Variants in THNSL1 observed in about 807,000 individuals in gnomAD.
THNSL1 encodes threonine synthase like 1.
A neutral mutation model predicts 50.4 loss-of-function variants in THNSL1; 48 were observed. That is an observed-to-expected ratio of 0.95 (90% CI 0.76 to 1.21). THNSL1 has a LOEUF of 1.21. THNSL1 is among the 50% of genes most tolerant of loss of function. THNSL1 has a pLI of 0.00. For synonymous variants in THNSL1, 309 were observed against 306.1 expected, an observed-to-expected ratio of 1.01 and a Z score of -0.10; for missense variants, 896 against 871.7, an observed-to-expected ratio of 1.03 and a Z score of -0.35.
rs749699340 is a variant in THNSL1, at chr10:25,026,237, T to G, written c.*782T>G. 4 of 166,908 alleles carry G rather than the reference T, an allele frequency of 2.4e-5. No homozygotes were observed. Among genetic ancestry groups the G allele is most frequent in the Non-Finnish European group, 4.4e-5 (3 of 68,150 alleles). 10.3% of individuals were successfully genotyped at this position (166,908 alleles called of 1,614,324 possible). A position where few individuals can be genotyped will look rare whatever the true frequency, so the allele number is the denominator to read the frequency against. On this transcript the variant is annotated 3_prime_UTR_variant, in exon 3 of 3. Coordinates refer to ENST00000376356, the MANE Select transcript of THNSL1 (RefSeq NM_024838.5). ...TTTTGGACTACAACTAATGTGTATC[T>G]CACACTGTCCAAATTAAAGATGTAC...
the THNSL1 span, among the ~76,000 whole-genome samples, chr10:24,955,228 C>A: frequency 1.3e-5 from 2 of 152,108 alleles, no homozygotes; most frequent in Non-Finnish European, 2.9e-5. Context: ...ATAACGAGAA[C>A]AATATGGGAG....
the THNSL1 span, among the ~76,000 whole-genome samples, chr10:24,993,172 G>A: frequency 1.1e-4 from 16 of 152,218 alleles, no homozygotes; most frequent in Admixed American, 7.8e-4. Flanking sequence ...AGGGAATGGT[G>A]TGATACAGTT....
In THNSL1 at chr10:25,025,295, A is replaced by G. The variant is rs548694034; in HGVS notation, c.2072A>G (p.Gln691Arg). ...IKEINETSSS[Q>R]LYLLGSYNAL... Reference sequence around the variant, plus strand: ...GAAATCAATGAGACTTCATCAAGTCAGCTCTATTTGCTGGGTTCATACAAT... The same window carrying G: ...GAAATCAATGAGACTTCATCAAGTCGGCTCTATTTGCTGGGTTCATACAAT... The change falls in exon 3 of 3, where the codon CAG (glutamine) becomes CGG (arginine). Residue 691 changes from glutamine to arginine, a missense_variant. Coordinates refer to ENST00000376356, the MANE Select transcript of THNSL1 (RefSeq NM_024838.5). The G allele has an allele frequency of 4.3e-5, 70 of 1,614,228 alleles. 1 individual carries two copies. In the South Asian group the frequency reaches 5.6e-4, roughly 13 times the overall value.
chr10:25,012,950 T>C (rs968854827), upstream of THNSL1, among the ~76,000 whole-genome samples: 4 of 152,166 alleles, frequency 2.6e-5, no homozygotes, highest in African/African-American at 4.8e-5. Context: ...ATAATTCCCA[T>C]ATGTCATGGG....
the THNSL1 span, among the ~76,000 whole-genome samples, chr10:25,010,536 T>G: frequency 6.6e-6 from 1 of 151,812 alleles, no homozygotes; most frequent in African/African-American, 2.4e-5. Flanking sequence ...GCTGGTGTGC[T>G]GCACCCATTA....
chr10:24,983,909 A>C, the THNSL1 span: 2 of 153,302 alleles, frequency 1.3e-5, no homozygotes, highest in African/African-American at 4.8e-5. Context: ...CTACTAACAT[A>C]AACTTATTGC....
chr10:24,995,056 A>G, the THNSL1 span, among the ~76,000 whole-genome samples: 3 of 152,328 alleles, frequency 2.0e-5, no homozygotes, highest in South Asian at 4.1e-4. Context: ...ATGTTCACCA[A>G]TGAAATTACA....
intron 2 of THNSL1, among the ~76,000 whole-genome samples, chr10:25,022,545 G>A (rs1850743586): frequency 6.6e-6 from 1 of 152,150 alleles, no homozygotes; most frequent in Non-Finnish European, 1.5e-5. Flanking sequence ...GCGTGTAAAA[G>A]GCACATAAGA....
At position 25,025,502 on chromosome 10, in the gene THNSL1, T is replaced by C; in HGVS notation, c.*47T>C. Reference sequence around the variant, plus strand: ...TTTTCTAGCTATAAGCATGCAATAATAAATCTCAAACACTGATTTGGAGTA... The same window carrying C: ...TTTTCTAGCTATAAGCATGCAATAACAAATCTCAAACACTGATTTGGAGTA... On this transcript the variant is annotated 3_prime_UTR_variant, in exon 3 of 3. Coordinates refer to ENST00000376356, the MANE Select transcript of THNSL1 (RefSeq NM_024838.5). The C allele has an allele frequency of 6.6e-7, 1 of 1,524,082 alleles. No individual in the cohort carries two copies. Among genetic ancestry groups the C allele is most frequent in the Non-Finnish European group, 8.8e-7 (1 of 1,130,066 alleles). The allele number at this position is 1,524,082 out of a possible 1,614,324, so 94.4% of individuals were successfully genotyped here.
chr10:25,018,656 G>GTTGTT (rs1554771945), intron 1 of THNSL1, among the ~76,000 whole-genome samples: 1 of 77,744 alleles, frequency 1.3e-5, no homozygotes, highest in Non-Finnish European at 3.0e-5. Flanking sequence ...ACAAATGAGA[G>GTTGTT]TTGTTTTTTT....
chr10:24,975,194 T>C, the THNSL1 span, among the ~76,000 whole-genome samples: 1 of 151,984 alleles, frequency 6.6e-6, no homozygotes, highest in Non-Finnish European at 1.5e-5. Flanking sequence ...CCAATAAAGA[T>C]AAAAGAAACC....
At chr10:24,967,961 G>A in the THNSL1 span, among the ~76,000 whole-genome samples, 3 of 150,964 alleles carry the variant, frequency 2.0e-5, no homozygotes, top group Non-Finnish European at 2.9e-5. Context: ...TATGATGTGT[G>A]TGTATGTATG....
At chr10:24,973,640 T>G in the THNSL1 span, among the ~76,000 whole-genome samples, 1 of 152,134 alleles carries the variant, frequency 6.6e-6, no homozygotes, top group Non-Finnish European at 1.5e-5. Flanking sequence ...TGAAAAAAAT[T>G]GTATCTTAAG....
At chr10:24,964,435 A>G in the THNSL1 span, among the ~76,000 whole-genome samples, 1 of 152,264 alleles carries the variant, frequency 6.6e-6, no homozygotes, top group Non-Finnish European at 1.5e-5. Flanking sequence ...ACATAAACAC[A>G]AAGAAAATAT....
At chr10:25,004,316 T>C in the THNSL1 span, among the ~76,000 whole-genome samples, 2 of 152,218 alleles carry the variant, frequency 1.3e-5, no homozygotes, top group Middle Eastern at 3.2e-3. Context: ...CTGGGTTGAA[T>C]GGTATTCCCA....
intron 1 of THNSL1, among the ~76,000 whole-genome samples, chr10:25,018,028 TGC>T (rs1850642719): frequency 1.3e-5 from 2 of 152,326 alleles, no homozygotes; most frequent in South Asian, 4.1e-4. Flanking sequence ...ACATGATTTC[TGC>T]AGTTAGCACC....
the THNSL1 span, chr10:24,952,735 C>A: frequency 1.5e-6 from 1 of 677,414 alleles, no homozygotes; most frequent in Non-Finnish European, 2.3e-6. This position sits in a 1 kb window ranked among gnomAD's most constrained non-coding sequence, Gnocchi z 5.1. Flanking sequence ...CGGGAAGCAG[C>A]GGCCTGACGC....
At chr10:24,991,799 G>A in the THNSL1 span, among the ~76,000 whole-genome samples, 4 of 152,224 alleles carry the variant, frequency 2.6e-5, no homozygotes, top group Non-Finnish European at 4.4e-5. Flanking sequence ...AAGGCAGGGA[G>A]TCTAATTGAG....
chr10:24,967,338 C>T, the THNSL1 span, among the ~76,000 whole-genome samples: 1 of 152,138 alleles, frequency 6.6e-6, no homozygotes, highest in Non-Finnish European at 1.5e-5. Flanking sequence ...GCAGCTGGTA[C>T]CACCTGGTCT....
Sources: gnomAD v4.1 joint callset for allele counts (sites outside exome capture counted in the v4.1 genomes callset) on GRCh38, gnomAD v4.1.1 for gene constraint, Gnocchi (gnomAD v3.1) non-coding constraint, MANE v1.5 for transcripts, NCBI Gene and HGNC (gene_info 2026-07-23, HGNC 2026-07-21) for gene names.